Variants in PSD2 observed in about 807,000 individuals in gnomAD.
The protein encoded by PSD2 is pleckstrin and Sec7 domain containing 2, also known as PH and SEC7 domain-containing protein 2.
PSD2 carries 38 observed loss-of-function variants against 69.8 expected under a neutral mutation model. That is an observed-to-expected ratio of 0.54 (90% CI 0.42 to 0.71). PSD2 has a LOEUF of 0.71. PSD2 is among the 30% of genes least tolerant of loss of function. PSD2 has a pLI of 0.00. For synonymous variants in PSD2, 412 were observed against 423.0 expected, an observed-to-expected ratio of 0.97 and a Z score of 0.32; for missense variants, 943 against 1,014.5, an observed-to-expected ratio of 0.93 and a Z score of 0.96.
intron 13 of PSD2, 23 bp downstream of exon 13, chr5:139,838,795 T>C: frequency 6.2e-7 from 1 of 1,600,094 alleles, no homozygotes; most frequent in Non-Finnish European, 8.5e-7. Context: ...GGGTCAACAT[T>C]TTGCCTCCCC....
rs1345596494 is a variant in PSD2, at chr5:139,809,692, G to A, written c.252G>A (p.Gly84=). Residue 84 remains glycine, a synonymous_variant, in exon 2 of 15, where the codon GGG becomes GGA. Transcript: ENST00000274710. ...CTCTCACCAATGGCCTAGCCCTGGG[G>A]CCAGACTTGAACATTCTGGAAGATT... The part of the protein sequence containing the change: ...GLSLTNGLAL[G]PDLNILEDSA... The A allele has an allele frequency of 6.2e-7, 1 of 1,614,282 alleles. No individual in the cohort carries two copies. Among genetic ancestry groups the A allele is most frequent in the East Asian group, 2.2e-5 (1 of 44,888 alleles).
chr5:139,744,096 A>G, the PSD2 span, among the ~76,000 whole-genome samples: 1 of 152,164 alleles, frequency 6.6e-6, no homozygotes, highest in Non-Finnish European at 1.5e-5. Flanking sequence ...GAAGTTGACC[A>G]TTGGAGGCCT....
chr5:139,816,013 A>G (rs904910778), intron 4 of PSD2, among the ~76,000 whole-genome samples: 17 of 151,006 alleles, frequency 1.1e-4, no homozygotes, highest in Middle Eastern at 3.4e-3. Flanking sequence ...AAAAAAAAAA[A>G]AAAGAAAATT....
rs114039360 is a variant in PSD2, at chr5:139,805,047, C to T, written c.-50-4344C>T. 3.4e-3 allele frequency among the ~76,000 whole-genome samples: 509 copies of T among 151,104 alleles called. 2 individuals carry two copies. The highest frequency in any genetic ancestry group is 5.1e-3 in the Non-Finnish European group (344 of 67,694). On this transcript the variant is annotated intron_variant, in intron 1 of 14. Coordinates refer to ENST00000274710, the MANE Select transcript of PSD2 (RefSeq NM_032289.4). ...TGTGTGTGTATTGTGCATGTGTGTG[C>T]GCATGTGTGTGTGCACGTGCGCGTG...
the PSD2 span, among the ~76,000 whole-genome samples, chr5:139,766,262 T>A: frequency 6.6e-6 from 1 of 152,232 alleles, no homozygotes; most frequent in Non-Finnish European, 1.5e-5. Context: ...TTGGTGGCAG[T>A]AGGGTGAGGC....
chr5:139,762,087 G>A, the PSD2 span, among the ~76,000 whole-genome samples: 1 of 151,954 alleles, frequency 6.6e-6, no homozygotes, highest in Non-Finnish European at 1.5e-5. Flanking sequence ...TCTGTTGCCA[G>A]GCTGGAGTGC....
the PSD2 span, among the ~76,000 whole-genome samples, chr5:139,757,296 C>A: frequency 6.6e-6 from 1 of 152,224 alleles, no homozygotes; most frequent in Admixed American, 6.5e-5. Context: ...CTGCTTACAG[C>A]CCTTGGGCAA....
At chr5:139,771,559 TA>T in the PSD2 span, among the ~76,000 whole-genome samples, 1 of 152,132 alleles carries the variant, frequency 6.6e-6, no homozygotes, top group African/African-American at 2.4e-5. Context: ...TTTGTATTTT[TA>T]GTAGAGATGG....
At chr5:139,797,483 A>G (rs1377159180) in intron 1 of PSD2, among the ~76,000 whole-genome samples, 1 of 152,170 alleles carries the variant, frequency 6.6e-6, no homozygotes, top group Non-Finnish European at 1.5e-5. Flanking sequence ...ATGCCCCCAG[A>G]GGCCTCCCCG....
rs551940209 is a variant in PSD2 at position 139,836,070 on chromosome 5, G to A, written c.1403+304G>A. The stretch of plus-strand genomic sequence containing the variant: ...AGTGTTCCAATTCCCATTGATGACC[G>A]CTCCTTTCCCTTTGGGAAGTAGGCA... On this transcript the variant is annotated intron_variant, in intron 9 of 14. Coordinates refer to ENST00000274710, the MANE Select transcript of PSD2 (RefSeq NM_032289.4). Among the ~76,000 whole-genome samples, 4 of 152,330 alleles carry A rather than the reference G, an allele frequency of 2.6e-5. No individual in the cohort carries two copies. The East Asian group carries it at 5.8e-4, about 22-fold the overall frequency.
chr5:139,813,241 G>T (rs185909300), intron 2 of PSD2, 68 bp from the exon 3 acceptor site: 1 of 1,330,846 alleles, frequency 7.5e-7, no homozygotes, highest in African/African-American at 1.5e-5. Flanking sequence ...ACACAGATGA[G>T]TGTAGTCACC....
upstream of PSD2, among the ~76,000 whole-genome samples, chr5:139,792,859 T>TTTCC (rs141834556): frequency 0.2 from 21,478 of 107,686 alleles, 2,390 homozygotes; most frequent in Non-Finnish European, 0.21. Flanking sequence ...TCTTTCTGTC[T>TTTCC]TTCCTTCCTT....
intron 1 of PSD2, among the ~76,000 whole-genome samples, chr5:139,808,637 G>C (rs922864911): frequency 1.3e-5 from 2 of 152,172 alleles, no homozygotes; most frequent in Non-Finnish European, 2.9e-5. Flanking sequence ...ATGGGGGCCC[G>C]GGAGTGGAGG....
chr5:139,797,256 A>T (rs893383451), intron 1 of PSD2, among the ~76,000 whole-genome samples: 1 of 152,210 alleles, frequency 6.6e-6, no homozygotes, highest in East Asian at 1.9e-4. Flanking sequence ...GGGGCTTTTG[A>T]GTGGGGCTAC....
chr5:139,802,337 T>C (rs1759694789), intron 1 of PSD2, among the ~76,000 whole-genome samples: 2 of 152,028 alleles, frequency 1.3e-5, no homozygotes, highest in Admixed American at 1.3e-4. Context: ...GTCTCTTGGC[T>C]GTTGAAGCAG....
the PSD2 span, among the ~76,000 whole-genome samples, chr5:139,766,996 T>C: frequency 6.8e-6 from 1 of 146,240 alleles, no homozygotes; most frequent in Non-Finnish European, 1.5e-5. Context: ...TTTCTTTCTT[T>C]CCTTCTTTCT....
chr5:139,803,729 G>A (rs1344558991), intron 1 of PSD2, among the ~76,000 whole-genome samples: 1 of 152,212 alleles, frequency 6.6e-6, no homozygotes, highest in Non-Finnish European at 1.5e-5. Flanking sequence ...AGGGTTTAGG[G>A]TCACTTTGGG....
chr5:139,761,093 T>C, the PSD2 span, among the ~76,000 whole-genome samples: 1 of 152,090 alleles, frequency 6.6e-6, no homozygotes, highest in Non-Finnish European at 1.5e-5. Flanking sequence ...GAAGAAAGAC[T>C]CAGGGGCAAA....
chr5:139,790,166 C>A, the PSD2 span, among the ~76,000 whole-genome samples: 50,968 of 151,790 alleles, frequency 0.34, 10,562 homozygotes, highest in East Asian at 0.58. Context: ...CGCCTGTAAT[C>A]CCAGCACTTT....
Sources: allele counts gnomAD v4.1 joint callset (sites outside exome capture counted in the v4.1 genomes callset), GRCh38; gene constraint gnomAD v4.1.1; transcripts MANE v1.5; gene names NCBI Gene and HGNC (gene_info 2026-07-23, HGNC 2026-07-21).